Variants in ZNF597 observed in about 807,000 individuals in gnomAD.
The protein encoded by ZNF597 is zinc finger protein 597.
Under a neutral mutation model 7.3 loss-of-function variants are expected in ZNF597, and 5 were observed. That is an observed-to-expected ratio of 0.68 (90% CI 0.36 to 1.44). The LOEUF (loss-of-function observed/expected upper bound fraction) is 1.44, where lower values mean the gene tolerates loss of function less well. ZNF597 is among the 40% of genes most tolerant of loss of function. ZNF597 has a pLI of 0.04. For missense variants in ZNF597, 585 were observed against 517.9 expected (o/e 1.13, Z -1.26); for synonymous variants, 209 against 185.4 (o/e 1.13, Z -1.04).
rs1456290033 is a variant in ZNF597, at chr16:3,434,727, G to C, written c.*1697C>G. The C allele has an allele frequency of 2.0e-5, 3 of 152,096 alleles. No individual in the cohort carries two copies. The highest frequency in any genetic ancestry group is 7.2e-5 in the African/African-American group (3 of 41,408). 9.4% of individuals were successfully genotyped at this position (152,096 alleles called of 1,614,324 possible). Reference sequence around the variant, plus strand: ...TTAGTCCTCAATCTGCTGTTCTGTAGGACCACCTTCTGCTACCTTCCATAT... The same window carrying C: ...TTAGTCCTCAATCTGCTGTTCTGTACGACCACCTTCTGCTACCTTCCATAT... On this transcript the variant is annotated 3_prime_UTR_variant, in exon 4 of 4. Transcript: ENST00000301744.
In ZNF597 at chr16:3,440,902, T is replaced by C. The variant is rs2034360693; in HGVS notation, c.65A>G (p.Tyr22Cys). 1.2e-6 allele frequency: 2 copies of C among 1,613,706 alleles called. No homozygotes were observed. Among genetic ancestry groups the C allele is most frequent in the Middle Eastern group, 1.6e-4 (1 of 6,074 alleles). The change falls in exon 3 of 4, where the codon TAT (tyrosine) becomes TGT (cysteine). Residue 22 changes from tyrosine (Y) to cysteine (C), a missense_variant. By Grantham distance (194) the Tyr-to-Cys change is radical. Transcript: ENST00000301744. The part of the protein sequence containing the change: ...GPILFEDLAV[Y>C]FSQEECVTLH... ...AGTCACGCACTCCTCTTGAGAAAAA[T>C]ACACAGCCAGATCCTCAAAGAGTAT...
Position 3,443,084 on chromosome 16 carries a change from AGCAATAAACTTG to A in ZNF597, c.33+25_33+36del. 5 of 1,614,064 alleles carry A rather than the reference AGCAATAAACTTG, an allele frequency of 3.1e-6. No homozygotes were observed. In the South Asian group the frequency reaches 5.5e-5, roughly 18 times the overall value. On this transcript the variant is annotated intron_variant, in intron 2 of 3. Transcript: ENST00000301744. ...AGGGGGTCAGGCAGAGACCGAAAGC[AGCAATAAACTTG>A]GACGAAAAAGGTACCTCGACTCACC...
chr16:3,438,820 A>G (rs1282502255), intron 3 of ZNF597, among the ~76,000 whole-genome samples: 2 of 152,176 alleles, frequency 1.3e-5, no homozygotes, highest in Non-Finnish European at 2.9e-5. Context: ...TTTTCCAAGT[A>G]TTCTTCAGTT....
intron 3 of ZNF597, among the ~76,000 whole-genome samples, chr16:3,438,436 G>A (rs963645963): frequency 5.3e-5 from 8 of 151,884 alleles, no homozygotes; most frequent in Non-Finnish European, 7.4e-5. Context: ...GGTGGCCTGC[G>A]CCTGTCGTCC....
chr16:3,436,909 C>T lies in ZNF597; in HGVS notation c.790G>A (p.Ala264Thr). Residue 264 changes from alanine to threonine, a missense_variant, in exon 4 of 4, where the codon GCT (alanine) becomes ACT (threonine). Physicochemically the swap from Ala to Thr is moderately conservative, Grantham distance 58. Transcript: ENST00000301744. ...GLAQHQKSHS[A>T]ENTYESTNCD... Reference sequence around the variant, plus strand: ...TTAGTAGATTCGTAGGTGTTTTCAGCACTGTGGCTTTTCTGATGCTGTGCC... The same window carrying T: ...TTAGTAGATTCGTAGGTGTTTTCAGTACTGTGGCTTTTCTGATGCTGTGCC... 3 of 1,614,192 alleles carry T rather than the reference C, an allele frequency of 1.9e-6. No individual in the cohort carries two copies. The highest frequency in any genetic ancestry group is 2.5e-6 in the Non-Finnish European group (3 of 1,180,028).
rs2034298324 is a variant in ZNF597, at chr16:3,436,217, A to C, written c.*207T>G. On this transcript the variant is annotated 3_prime_UTR_variant, in exon 4 of 4. Coordinates refer to ENST00000301744, the MANE Select transcript of ZNF597 (RefSeq NM_152457.3). Reference sequence around the variant, plus strand: ...GTAACTGAGTTCAAATCCTGGGTTCATTCACTAGTTTAGTGACACGGATTT... The same window carrying C: ...GTAACTGAGTTCAAATCCTGGGTTCCTTCACTAGTTTAGTGACACGGATTT... 1.7e-6 allele frequency: 1 copy of C among 580,006 alleles called. No homozygotes were observed. 35.9% of individuals were successfully genotyped at this position (580,006 alleles called of 1,614,324 possible). A position where few individuals can be genotyped will look rare whatever the true frequency, so the allele number is the denominator to read the frequency against.
In ZNF597 at chr16:3,433,526, G is replaced by GT. The variant is rs2034273335; in HGVS notation, c.*2897dup. 6.6e-6 allele frequency: 1 copy of GT among 152,164 alleles called. No individual in the cohort carries two copies. 9.4% of individuals were successfully genotyped at this position (152,164 alleles called of 1,614,324 possible). ...TCATAGCAATAAACTCTTGCATTTA[G>GT]TTTTTCATTCCCATATTAACTTTTA... On this transcript the variant is annotated 3_prime_UTR_variant, in exon 4 of 4. Coordinates refer to ENST00000301744, the MANE Select transcript of ZNF597 (RefSeq NM_152457.3).
intron 3 of ZNF597, among the ~76,000 whole-genome samples, chr16:3,439,333 T>C (rs1261773617): frequency 6.6e-6 from 1 of 151,634 alleles, no homozygotes; most frequent in Non-Finnish European, 1.5e-5. Context: ...CAGTGAGCCG[T>C]GATTGTGCCA....
chr16:3,443,043 A>G, intron 2 of ZNF597, 78 bp downstream of exon 2: 1 of 1,565,952 alleles, frequency 6.4e-7, no homozygotes, highest in Non-Finnish European at 8.8e-7. Flanking sequence ...AGGCATGCCC[A>G]ACTCTCCTCC....
At position 3,443,102 on chromosome 16, in the gene ZNF597, A is replaced by G. The variant is rs13332163; in HGVS notation, c.33+19T>C. On this transcript the variant is annotated intron_variant, in intron 2 of 3. Coordinates refer to ENST00000301744, the MANE Select transcript of ZNF597 (RefSeq NM_152457.3). ...CGAAAGCAGCAATAAACTTGGACGAAAAAGGTACCTCGACTCACCTGGGCC... is the reference window on the plus strand; with the variant it reads ...CGAAAGCAGCAATAAACTTGGACGAGAAAGGTACCTCGACTCACCTGGGCC... 1.1e-5 allele frequency: 17 copies of G among 1,614,040 alleles called. No homozygotes were observed. Among genetic ancestry groups the G allele is most frequent in the Non-Finnish European group, 1.3e-5 (15 of 1,180,038 alleles).
In ZNF597 at chr16:3,436,744, C is replaced by T. The variant is rs1181677149; in HGVS notation, c.955G>A (p.Asp319Asn). 1.9e-6 allele frequency: 3 copies of T among 1,613,866 alleles called. No individual in the cohort carries two copies. Among genetic ancestry groups the T allele is most frequent in the African/African-American group, 1.3e-5 (1 of 75,000 alleles). ...TCGCTGCAGCGTTCAGAGTCCTCGT[C>T]GTGGCTCTTCTCGGAAAGGGCAGGA... ...LYPALSEKSHDEDSERCSDDG... is the reference protein window; with the variant it reads ...LYPALSEKSHNEDSERCSDDG... The change falls in exon 4 of 4, where the codon GAC becomes AAC. Residue 319 changes from aspartate to asparagine, a missense_variant. Transcript: ENST00000301744.
Position 3,436,996 on chromosome 16 carries a change from C to A in ZNF597, c.703G>T (p.Val235Leu), listed in dbSNP as rs151243501. 3 of 1,614,036 alleles carry A rather than the reference C, an allele frequency of 1.9e-6. No homozygotes were observed. Reference sequence around the variant, plus strand: ...CTACATGTATAGGGCTTCTCCTTTACGTGGCTATTCATGTGTCGGGATAGA... The same window carrying A: ...CTACATGTATAGGGCTTCTCCTTTAAGTGGCTATTCATGTGTCGGGATAGA... ...SHLSRHMNSHVKEKPYTCSIC... is the reference protein window; with the variant it reads ...SHLSRHMNSHLKEKPYTCSIC... Residue 235 changes from valine to leucine, a missense_variant, in exon 4 of 4, where the codon GTA (valine) becomes TTA (leucine). Transcript: ENST00000301744.
Position 3,436,758 on chromosome 16 carries a change from G to C in ZNF597, c.941C>G (p.Ser314Cys). 6.2e-7 allele frequency: 1 copy of C among 1,613,736 alleles called. No individual in the cohort carries two copies. The highest frequency in any genetic ancestry group is 1.1e-5 in the South Asian group (1 of 91,076). The change falls in exon 4 of 4, where the codon TCC (serine) becomes TGC (cysteine). Residue 314 changes from serine (S) to cysteine (C), a missense_variant. By Grantham distance (112) the Ser-to-Cys change is moderately radical. Transcript: ENST00000301744. ...SFRQSLYPALSEKSHDEDSER... is the reference protein window; with the variant it reads ...SFRQSLYPALCEKSHDEDSER... ...AGAGTCCTCGTCGTGGCTCTTCTCG[G>C]AAAGGGCAGGATATAAGGACTGCCT... is the stretch of plus-strand genomic sequence containing the variant.
chr16:3,436,387 A>G lies in ZNF597; in HGVS notation c.*37T>C. 6.3e-7 allele frequency: 1 copy of G among 1,586,882 alleles called. No homozygotes were observed. The highest frequency in any genetic ancestry group is 8.6e-7 in the Non-Finnish European group (1 of 1,164,874). On this transcript the variant is annotated 3_prime_UTR_variant, in exon 4 of 4. Coordinates refer to ENST00000301744, the MANE Select transcript of ZNF597 (RefSeq NM_152457.3). ...CTGCTTCCCACCATACAGATACTGA[A>G]AAGCCCAATCACTAATAACAATTTG...
chr16:3,442,799 G>A (rs890781088), intron 2 of ZNF597, among the ~76,000 whole-genome samples: 4 of 152,092 alleles, frequency 2.6e-5, no homozygotes, highest in African/African-American at 9.7e-5. Context: ...TATCAGCACT[G>A]CACTCCAGCC....
intron 3 of ZNF597, among the ~76,000 whole-genome samples, chr16:3,439,949 T>A (rs2034348200): frequency 6.6e-6 from 1 of 152,168 alleles, no homozygotes; most frequent in African/African-American, 2.4e-5. Context: ...ATGAACATGA[T>A]GAAGAGAGAA....
chr16:3,440,573 G>A (rs117735929), intron 3 of ZNF597, among the ~76,000 whole-genome samples: 6,707 of 152,150 alleles, frequency 0.044, 338 homozygotes, highest in African/African-American at 0.12. Context: ...GGCGCGGTTT[G>A]CAGTGAGCAG....
chr16:3,443,004 T>C lies in ZNF597; in HGVS notation c.33+117A>G, dbSNP rs117571023. 2.2e-3 allele frequency: 2,709 copies of C among 1,242,218 alleles called. 63 individuals are homozygous for C. The East Asian group carries it at 0.047, about 21-fold the overall frequency. 76.9% of individuals were successfully genotyped at this position (1,242,218 alleles called of 1,614,324 possible). A position where few individuals can be genotyped will look rare whatever the true frequency, so the allele number is the denominator to read the frequency against. ...GAAGAACACTTGGTCAAAGGGCTAT[T>C]TGGGGCTCAGGAGCACTCCTACCAC... On this transcript the variant is annotated intron_variant, in intron 2 of 3. Coordinates refer to ENST00000301744, the MANE Select transcript of ZNF597 (RefSeq NM_152457.3).
At chr16:3,440,113 T>A (rs1342556814) in intron 3 of ZNF597, among the ~76,000 whole-genome samples, 1 of 152,210 alleles carries the variant, frequency 6.6e-6, no homozygotes, top group African/African-American at 2.4e-5. Flanking sequence ...AAATAAAATC[T>A]AGTCAGGCAC....
Sources: allele counts gnomAD v4.1 joint callset (sites outside exome capture counted in the v4.1 genomes callset), GRCh38; gene constraint gnomAD v4.1.1; transcripts MANE v1.5; gene names NCBI Gene and HGNC (gene_info 2026-07-23, HGNC 2026-07-21).